The following FAT1 variants were observed in gnomAD, a reference collection of about 807,000 sequenced individuals.
The protein encoded by FAT1 is FAT atypical cadherin 1.
In FAT1, 171 loss-of-function variants were observed where a neutral mutation model predicts 329.8. The observed-to-expected ratio is 0.52, with a 90% confidence interval of 0.46 to 0.59. The LOEUF (loss-of-function observed/expected upper bound fraction) is 0.59. FAT1 is among the 20% of genes least tolerant of loss of function. FAT1 has a pLI of 0.00. For synonymous variants in FAT1, 2,233 were observed against 2,228.6 expected (o/e 1.00, Z -0.06); for missense variants, 5,672 against 5,774.4 (o/e 0.98, Z 0.57).
chr4:186,663,314 T>C lies in FAT1; in HGVS notation c.3565A>G (p.Ile1189Val), dbSNP rs756764094. Residue 1189 changes from isoleucine to valine, a missense_variant, in exon 3 of 27, where the codon ATA becomes GTA. Physicochemically the swap from Ile to Val is conservative, Grantham distance 29 (BLOSUM62 3). Transcript: ENST00000441802. ...TAACACATACCTGTTTTAGGATGTA[T>C]TGAAAAGAATCCTTGTGGATTTCCA... Reference protein sequence around the residue: ...TSGNPQGFFSIHPKTGLITTT... With the variant: ...TSGNPQGFFSVHPKTGLITTT... The C allele has an allele frequency of 1.2e-5, 20 of 1,612,816 alleles. No homozygotes were observed. Among genetic ancestry groups the C allele is most frequent in the East Asian group, 2.2e-5 (1 of 44,894 alleles).
chr4:186,631,044 C>G (rs888270772), intron 7 of FAT1, among the ~76,000 whole-genome samples: 1 of 152,242 alleles, frequency 6.6e-6, no homozygotes, highest in Non-Finnish European at 1.5e-5. Context: ...AGTTCTCCCA[C>G]TGTCCTGCCG....
intron 3 of FAT1, 144 bp from the exon 4 acceptor site, chr4:186,639,927 A>C (rs1339683932): frequency 4.8e-6 from 3 of 628,300 alleles, no homozygotes; most frequent in East Asian, 2.7e-5. Context: ...GGATTACTTA[A>C]GGTCAGGAGT....
In FAT1 at chr4:186,684,728, A is replaced by G. The variant is rs191181922; in HGVS notation, c.3266-21115T>C. ...ACCAGTATTAACGCAGCACAGTGAA[A>G]CACTTTCAGACACGTAATACAAACA... On this transcript the variant is annotated intron_variant, in intron 2 of 26. Coordinates refer to ENST00000441802, the MANE Select transcript of FAT1 (RefSeq NM_005245.4). 1.3e-4 allele frequency among the ~76,000 whole-genome samples: 20 copies of G among 152,304 alleles called. No homozygotes were observed. The East Asian group carries it at 3.7e-3, about 28-fold the overall frequency.
chr4:186,616,665 G>T (rs1055207094), intron 11 of FAT1, among the ~76,000 whole-genome samples: 11 of 152,144 alleles, frequency 7.2e-5, no homozygotes, highest in African/African-American at 2.4e-4. Flanking sequence ...CTCACGGCAC[G>T]TCGGCACTTT....
rs527265351 is a variant in FAT1, at chr4:186,709,523, C to G, written c.305G>C (p.Gly102Ala). 6.2e-7 allele frequency: 1 copy of G among 1,613,960 alleles called. No individual in the cohort carries two copies. Among genetic ancestry groups the G allele is most frequent in the Non-Finnish European group, 8.5e-7 (1 of 1,179,884 alleles). Residue 102 changes from glycine (G) to alanine (A), a missense_variant, in exon 2 of 27, where the codon GGA (glycine) becomes GCA (alanine). This residue lies in a region of FAT1 where 3,966 missense variants were observed against 3,915.2 expected (regional missense o/e 1.01). Transcript: ENST00000441802. ...TCTATTAAGAATAGCTGTATTTCCT[C>G]CTTTGGTCCTTATTCTTAGAAAGCA... ...DFCFLRIRTKGGNTAILNREV... is the reference protein window; with the variant it reads ...DFCFLRIRTKAGNTAILNREV...
At chr4:186,699,394 C>T (rs1025295650) in intron 2 of FAT1, among the ~76,000 whole-genome samples, 1 of 152,146 alleles carries the variant, frequency 6.6e-6, no homozygotes, top group Non-Finnish European at 1.5e-5. Flanking sequence ...GGAGGCCTAG[C>T]AATGGACCGA....
intron 19 of FAT1, 45 bp from the exon 20 acceptor site, chr4:186,603,079 T>A (rs766808177): frequency 5.0e-6 from 8 of 1,612,590 alleles, no homozygotes; most frequent in Non-Finnish European, 6.8e-6. Flanking sequence ...TTAACAGACA[T>A]TTCAAGAACA....
intron 1 of FAT1, among the ~76,000 whole-genome samples, chr4:186,716,727 A>G (rs774548186): frequency 4.6e-5 from 7 of 152,128 alleles, no homozygotes; most frequent in Non-Finnish European, 7.4e-5. Context: ...CGGCAAACAC[A>G]TTTTCAAAGC....
intron 3 of FAT1, among the ~76,000 whole-genome samples, chr4:186,656,487 T>C (rs1366129869): frequency 1.3e-5 from 2 of 152,248 alleles, no homozygotes; most frequent in Admixed American, 6.5e-5. Context: ...CGTTGTGCCA[T>C]GTGATTGCAT....
chr4:186,663,802 A>C (rs1342488597), intron 2 of FAT1, among the ~76,000 whole-genome samples, 189 bp from the exon 3 acceptor site: 1 of 152,184 alleles, frequency 6.6e-6, no homozygotes, highest in Admixed American at 6.5e-5. Context: ...ATAATAGTAT[A>C]TTCAACTAAC....
rs775951790 is a variant in FAT1, at chr4:186,600,096, C to T, written c.11905G>A (p.Val3969Ile). The change falls in exon 22 of 27, where the codon GTT becomes ATT. Residue 3969 changes from valine to isoleucine, a missense_variant. By Grantham distance (29) the Val-to-Ile change is conservative. This residue lies in a region of FAT1 where 1,706 missense variants were observed against 1,859.1 expected (regional missense o/e 0.92). Coordinates refer to ENST00000441802, the MANE Select transcript of FAT1 (RefSeq NM_005245.4). ...QGTRHGRSPQ[V>I]GNGFRGCMDS... ...ATACAACCCCTGAAACCATTACCAACTTGAGGACTTCTTCCATGCCTTGTT... is the reference window on the plus strand; with the variant it reads ...ATACAACCCCTGAAACCATTACCAATTTGAGGACTTCTTCCATGCCTTGTT... The T allele has an allele frequency of 1.9e-6, 3 of 1,614,062 alleles. No individual in the cohort carries two copies. The highest frequency in any genetic ancestry group is 4.5e-5 in the East Asian group (2 of 44,874).
intron 2 of FAT1, among the ~76,000 whole-genome samples, chr4:186,688,485 GCT>G (rs138580251): frequency 1.1e-4 from 16 of 152,284 alleles, no homozygotes; most frequent in Non-Finnish European, 1.6e-4. Flanking sequence ...CCCCTGGGCA[GCT>G]CTGTTTTCTG....
At chr4:186,720,760 G>A (rs1294339052) in intron 1 of FAT1, among the ~76,000 whole-genome samples, 1 of 152,248 alleles carries the variant, frequency 6.6e-6, no homozygotes, top group Non-Finnish European at 1.5e-5. Context: ...GTTTGACACA[G>A]AGGAGGTCCA....
chr4:186,701,240 C>G (rs1744295525), intron 2 of FAT1, among the ~76,000 whole-genome samples: 1 of 152,110 alleles, frequency 6.6e-6, no homozygotes, highest in South Asian at 2.1e-4. Context: ...AAAGAAGGAC[C>G]CTTCCCCTGG....
chr4:186,703,845 C>A (rs765241503), intron 2 of FAT1, among the ~76,000 whole-genome samples: 3 of 152,198 alleles, frequency 2.0e-5, no homozygotes, highest in Non-Finnish European at 2.9e-5. Flanking sequence ...CCTTCATGCC[C>A]TAGAAATTAG....
chr4:186,691,928 A>AT (rs142178801), intron 2 of FAT1, among the ~76,000 whole-genome samples: 7,678 of 148,446 alleles, frequency 0.052, 365 homozygotes, highest in African/African-American at 0.13. Flanking sequence ...TGTGGCTACT[A>AT]TTTTTTTTTA....
At chr4:186,636,412 A>C (rs1740817712) in intron 5 of FAT1, among the ~76,000 whole-genome samples, 173 bp downstream of exon 5, 1 of 152,186 alleles carries the variant, frequency 6.6e-6, no homozygotes, top group Non-Finnish European at 1.5e-5. Context: ...CATTCAACAT[A>C]AACAATAAGC....
chr4:186,721,284 T>G (rs1029109870), intron 1 of FAT1, among the ~76,000 whole-genome samples: 3 of 152,228 alleles, frequency 2.0e-5, no homozygotes, highest in Non-Finnish European at 2.9e-5. Flanking sequence ...AATATGCAGA[T>G]TCCTCATCAG....
chr4:186,657,129 C>T (rs1466837038), intron 3 of FAT1, among the ~76,000 whole-genome samples: 1 of 152,118 alleles, frequency 6.6e-6, no homozygotes, highest in Non-Finnish European at 1.5e-5. Flanking sequence ...GCTATGCACC[C>T]CTATGTGATG....
Sources: gnomAD v4.1 joint callset for allele counts (sites outside exome capture counted in the v4.1 genomes callset) on GRCh38, gnomAD v4.1.1 for gene constraint, gnomAD v4.1.1 regional missense constraint, MANE v1.5 for transcripts, NCBI Gene and HGNC (gene_info 2026-07-23, HGNC 2026-07-21) for gene names.